Variants in ENPP1 observed in about 807,000 individuals in gnomAD.
The protein encoded by ENPP1 is ectonucleotide pyrophosphatase/phosphodiesterase 1.
Under a neutral mutation model 122.8 loss-of-function variants are expected in ENPP1, and 73 were observed. The ratio of observed to expected loss-of-function variants is 0.59; its 90% CI spans 0.49 to 0.72. The LOEUF (loss-of-function observed/expected upper bound fraction) is 0.72. Among genes scored for constraint, ENPP1 ranks in the 30% least tolerant of loss-of-function variants. ENPP1 has a pLI of 0.00. For missense variants in ENPP1, 978 were observed against 1,128.1 expected, an observed-to-expected ratio of 0.87 and a Z score of 1.91; for synonymous variants, 367 against 391.6, an observed-to-expected ratio of 0.94 and a Z score of 0.74.
chr6:131,885,883 C>T (rs190264618), intron 23 of ENPP1, among the ~76,000 whole-genome samples: 28 of 152,250 alleles, frequency 1.8e-4, no homozygotes, highest in East Asian at 7.7e-4. Context: ...TTCCTACCCA[C>T]GGCTTCACCC....
chr6:131,849,975 G>A lies in ENPP1; in HGVS notation c.314-15G>A, dbSNP rs767809618. 7.7e-6 allele frequency: 12 copies of A among 1,564,420 alleles called. No individual in the cohort carries two copies. The highest frequency in any genetic ancestry group is 2.2e-5 in the East Asian group (1 of 44,684). ...AATGATTAGAAACATCTGACTTATC[G>A]TTCAATTTTTTCAGTTAAAAGTTGC... On this transcript the variant is annotated splice_polypyrimidine_tract_variant and intron_variant, in intron 2 of 24. Transcript: ENST00000647893.
intron 1 of ENPP1, among the ~76,000 whole-genome samples, chr6:131,841,077 A>G (rs960273211): frequency 1.3e-5 from 2 of 152,244 alleles, no homozygotes; most frequent in African/African-American, 4.8e-5. Flanking sequence ...TACTGAGTGC[A>G]TAAGAGACCA....
At chr6:131,836,705 G>A (rs1422058575) in intron 1 of ENPP1, among the ~76,000 whole-genome samples, 1 of 152,168 alleles carries the variant, frequency 6.6e-6, no homozygotes, top group Non-Finnish European at 1.5e-5. Flanking sequence ...AAAAAAATGG[G>A]TTGATGGTGG....
intron 1 of ENPP1, among the ~76,000 whole-genome samples, chr6:131,844,210 G>C (rs1781776625): frequency 6.6e-6 from 1 of 152,192 alleles, no homozygotes. Flanking sequence ...GTTAGTACTA[G>C]CTTTGCATGA....
rs528959722 is a variant in ENPP1, at chr6:131,823,496, C to T, written c.240+15221C>T. 3.7e-4 allele frequency among the ~76,000 whole-genome samples: 57 copies of T among 152,294 alleles called. 1 individual carries two copies. The South Asian group carries it at 0.01, about 27-fold the overall frequency. On this transcript the variant is annotated intron_variant, in intron 1 of 24. Transcript: ENST00000647893. ...GCATATCTCTCTTCAGCATTCCACA[C>T]CTCTGAAGCACGCCTTCTATGACAT...
chr6:131,894,302 T>C lies in ENPP1; in HGVS notation c.*3791T>C, dbSNP rs1782515628. 6.6e-6 allele frequency: 1 copy of C among 151,026 alleles called. No individual in the cohort carries two copies. 9.4% of individuals were successfully genotyped at this position (151,026 alleles called of 1,614,324 possible). A position where few individuals can be genotyped will look rare whatever the true frequency, so the allele number is the denominator to read the frequency against. ...CTCACATCAGTCCTTTTTTTTTTTT[T>C]TGAGACAGAGTCTCGCTCTGTGGCC... On this transcript the variant is annotated 3_prime_UTR_variant, in exon 25 of 25. Transcript: ENST00000647893.
At chr6:131,819,243 T>A (rs1781454862) in intron 1 of ENPP1, among the ~76,000 whole-genome samples, 1 of 152,248 alleles carries the variant, frequency 6.6e-6, no homozygotes, top group Non-Finnish European at 1.5e-5. Context: ...TGGATTTTAA[T>A]GTAACAGTAT....
rs769637866 is a variant in ENPP1, at chr6:131,890,513, A to T, written c.*2A>T. 2 of 1,611,438 alleles carry T rather than the reference A, an allele frequency of 1.2e-6. No individual in the cohort carries two copies. Among genetic ancestry groups the T allele is most frequent in the South Asian group, 1.1e-5 (1 of 91,020 alleles). The stretch of plus-strand genomic sequence containing the variant: ...CCAACCTTTAGCCAAGAAGACTGAT[A>T]TGTTTTTTATCCCCAAACACCATGA... On this transcript the variant is annotated 3_prime_UTR_variant, in exon 25 of 25. Coordinates refer to ENST00000647893, the MANE Select transcript of ENPP1 (RefSeq NM_006208.3).
At chr6:131,827,535 A>G (rs1161876040) in intron 1 of ENPP1, 5 of 614,068 alleles carry the variant, frequency 8.1e-6, no homozygotes, top group Non-Finnish European at 1.5e-5. Context: ...TATCCTGTAA[A>G]AGCCTACATG....
chr6:131,890,747 G>A lies in ENPP1; in HGVS notation c.*236G>A. On this transcript the variant is annotated 3_prime_UTR_variant, in exon 25 of 25. Transcript: ENST00000647893. ...CATTGTATACATTGATCAAGTTCGG[G>A]GGAATAAAGACAGACCACACCTAAA... The A allele has an allele frequency of 1.9e-6, 1 of 533,170 alleles. No individual in the cohort carries two copies. The highest frequency in any genetic ancestry group is 2.2e-5 in the South Asian group (1 of 46,490). The allele number at this position is 533,170 out of a possible 1,614,324, so 33.0% of individuals were successfully genotyped here.
At chr6:131,815,667 C>T (rs897052386) in intron 1 of ENPP1, among the ~76,000 whole-genome samples, 9 of 150,706 alleles carry the variant, frequency 6.0e-5, no homozygotes, top group Admixed American at 6.6e-5. Context: ...GGCCATTAAC[C>T]TTTCTAGAGC....
Position 131,885,073 on chromosome 6 carries a change from T to C in ENPP1, c.2444+10T>C, listed in dbSNP as rs947631280. The C allele has an allele frequency of 1.2e-6, 2 of 1,613,668 alleles. No individual in the cohort carries two copies. The highest frequency in any genetic ancestry group is 3.3e-5 in the Admixed American group (2 of 60,012). On this transcript the variant is annotated intron_variant, in intron 23 of 24. Coordinates refer to ENST00000647893, the MANE Select transcript of ENPP1 (RefSeq NM_006208.3). ...TAGAGAATCTGAGGCAGTAAGAACA[T>C]ATTTCATTACTCTTAAAAATAGGAA...
At chr6:131,825,309 G>A (rs1448354923) in intron 1 of ENPP1, among the ~76,000 whole-genome samples, 1 of 152,108 alleles carries the variant, frequency 6.6e-6, no homozygotes, top group Non-Finnish European at 1.5e-5. Context: ...TGTTGTTGTT[G>A]TTGTTAATTG....
At chr6:131,864,773 A>AC in intron 10 of ENPP1, 93 bp from the exon 11 acceptor site, 1 of 924,134 alleles carries the variant, frequency 1.1e-6, no homozygotes, top group Non-Finnish European at 1.8e-6. Context: ...CCAGTGTTAT[A>AC]AAATTTAATC....
Position 131,861,577 on chromosome 6 carries a change from C to A in ENPP1, c.916-18C>A. 1 of 1,489,500 alleles carries A rather than the reference C, an allele frequency of 6.7e-7. No homozygotes were observed. The highest frequency in any genetic ancestry group is 9.4e-7 in the Non-Finnish European group (1 of 1,066,492). 92.3% of individuals were successfully genotyped at this position (1,489,500 alleles called of 1,614,324 possible). A position where few individuals can be genotyped will look rare whatever the true frequency, so the allele number is the denominator to read the frequency against. On this transcript the variant is annotated intron_variant, in intron 8 of 24. Transcript: ENST00000647893. Reference sequence around the variant, plus strand: ...ATGTTTGCATGATTTCTTAATTTTCCTTCATTTTCTGCTCCAGATTTGGGT... The same window carrying A: ...ATGTTTGCATGATTTCTTAATTTTCATTCATTTTCTGCTCCAGATTTGGGT...
intron 2 of ENPP1, 149 bp downstream of exon 2, chr6:131,847,997 T>G (rs2114689314): frequency 1.6e-6 from 1 of 609,558 alleles, no homozygotes; most frequent in South Asian, 2.4e-5. Flanking sequence ...GGCTTGAGCC[T>G]TTTTCCTGAA....
intron 11 of ENPP1, among the ~76,000 whole-genome samples, chr6:131,866,819 T>C (rs537129494): frequency 6.6e-6 from 1 of 152,356 alleles, no homozygotes; most frequent in South Asian, 2.1e-4. Context: ...GGGAAAAGTT[T>C]CTTGTAGCTG....
Position 131,886,732 on chromosome 6 carries a change from G to A in ENPP1, c.2607+8G>A. On this transcript the variant is annotated splice_region_variant and intron_variant, in intron 24 of 24. Transcript: ENST00000647893. ...AACAGCGAGAGCTGTGTGGTAAGTAGCTTTTGTATATTTACTTTGCATGTT... is the reference window on the plus strand; with the variant it reads ...AACAGCGAGAGCTGTGTGGTAAGTAACTTTTGTATATTTACTTTGCATGTT... The A allele has an allele frequency of 1.2e-6, 2 of 1,609,650 alleles. No homozygotes were observed. The highest frequency in any genetic ancestry group is 1.7e-6 in the Non-Finnish European group (2 of 1,178,204).
rs1277658261 is a variant in ENPP1 at position 131,864,585 on chromosome 6, T to G, written c.1091+14T>G. On this transcript the variant is annotated intron_variant, in intron 10 of 24. Transcript: ENST00000647893. ...TAAAGATGAAAGGTCTGTAGGCAAT[T>G]AATTTCTATTGTAAATACTTCGTTT... 1 of 1,545,820 alleles carries G rather than the reference T, an allele frequency of 6.5e-7. No homozygotes were observed. The highest frequency in any genetic ancestry group is 8.9e-7 in the Non-Finnish European group (1 of 1,118,950).
Sources: gnomAD v4.1 joint callset for allele counts (sites outside exome capture counted in the v4.1 genomes callset) on GRCh38, gnomAD v4.1.1 for gene constraint, MANE v1.5 for transcripts, NCBI Gene and HGNC (gene_info 2026-07-23, HGNC 2026-07-21) for gene names.